The following POLK variants were observed in gnomAD, a reference collection of about 807,000 sequenced individuals.
POLK encodes the protein polymerase (DNA directed) kappa.
POLK carries 76 observed loss-of-function variants against 94.0 expected under a neutral mutation model. The ratio of observed to expected loss-of-function variants is 0.81; its 90% CI spans 0.67 to 0.98. The LOEUF (loss-of-function observed/expected upper bound fraction) is 0.98. Ranked by LOEUF, POLK falls within the 50% of genes least tolerant of loss-of-function variation. The pLI is 0.00. For synonymous variants in POLK, 349 were observed against 325.4 expected, an observed-to-expected ratio of 1.07 and a Z score of -0.78; for missense variants, 954 against 1,010.1, an observed-to-expected ratio of 0.94 and a Z score of 0.75.
chr5:75,532,333 T>G (rs774453090), intron 1 of POLK, among the ~76,000 whole-genome samples: 56 of 152,188 alleles, frequency 3.7e-4, no homozygotes, highest in Non-Finnish European at 7.4e-4. Flanking sequence ...CATGCAGTGT[T>G]TGGTTTTCTG....
intron 1 of POLK, among the ~76,000 whole-genome samples, chr5:75,546,400 G>A (rs1770019635): frequency 2.0e-5 from 3 of 152,044 alleles, no homozygotes; most frequent in Admixed American, 1.3e-4. Context: ...CTTGAGGGTG[G>A]CAGAAACGGA....
the POLK span, among the ~76,000 whole-genome samples, chr5:75,607,455 G>A: frequency 2.7e-5 from 4 of 147,646 alleles, no homozygotes; most frequent in East Asian, 2.0e-4. Context: ...GTGACAAAGC[G>A]AGACCTTGTC....
intron 3 of POLK, 88 bp from the exon 4 acceptor site, chr5:75,569,252 C>CTA: frequency 1.2e-6 from 1 of 858,526 alleles, no homozygotes; most frequent in South Asian, 1.7e-5. Context: ...GACTGATAGA[C>CTA]ACTTAATAAA....
chr5:75,525,871 G>A (rs1031675087), intron 1 of POLK, among the ~76,000 whole-genome samples: 1 of 152,172 alleles, frequency 6.6e-6, no homozygotes, highest in South Asian at 2.1e-4. Context: ...AAGAATGCGG[G>A]CTCCGGAGAC....
chr5:75,594,948 A>G (rs1772986341), intron 12 of POLK, among the ~76,000 whole-genome samples: 1 of 152,172 alleles, frequency 6.6e-6, no homozygotes, highest in Admixed American at 6.5e-5. Context: ...CAACTGAATA[A>G]AGTGTTAATT....
chr5:75,599,540 A>C (rs2112910629), exon 15 of POLK: 1 of 152,254 alleles, frequency 6.6e-6, no homozygotes, highest in East Asian at 1.9e-4. Context: ...GTTATTATAC[A>C]CTATGGCAAA....
chr5:75,576,758 CT>C (rs751779033), intron 5 of POLK, 21 bp from the exon 6 acceptor site: 125 of 1,409,642 alleles, frequency 8.9e-5, no homozygotes, highest in Middle Eastern at 7.6e-4. Context: ...AAAATTTAAA[CT>C]TTTTTTTGTT....
Position 75,554,123 on chromosome 5 carries a change from A to T in POLK, c.255+1532A>T, listed in dbSNP as rs1483283472. On this transcript the variant is annotated intron_variant, in intron 3 of 14. Transcript: ENST00000241436. Reference sequence around the variant, plus strand: ...GAAGTTGCACACATTACTTCAGCTGACATTCTTTGGCAAGAATTTAAGTTA... The same window carrying T: ...GAAGTTGCACACATTACTTCAGCTGTCATTCTTTGGCAAGAATTTAAGTTA... Among the ~76,000 whole-genome samples, 3 of 152,212 alleles carry T rather than the reference A, an allele frequency of 2.0e-5. No individual in the cohort carries two copies. In the East Asian group the frequency reaches 5.8e-4, roughly 29 times the overall value.
At chr5:75,580,579 A>G in intron 6 of POLK, 1 of 867,512 alleles carries the variant, frequency 1.2e-6, no homozygotes, top group Non-Finnish European at 1.4e-6. Context: ...GTATATTCAA[A>G]GAAGCATAAC....
chr5:75,597,979 A>C (rs1773181830), exon 15 of POLK: 1 of 1,471,750 alleles, frequency 6.8e-7, no homozygotes, highest in South Asian at 1.3e-5. Context: ...AAATAAAACC[A>C]AACAATCCCA....
chr5:75,572,414 C>T (rs1234280737), intron 4 of POLK, among the ~76,000 whole-genome samples: 1 of 151,986 alleles, frequency 6.6e-6, no homozygotes, highest in Non-Finnish European at 1.5e-5. Context: ...TGAAAAGTTT[C>T]CAAAATCCCA....
At chr5:75,597,979 A>G in exon 15 of POLK, 1 of 1,471,870 alleles carries the variant, frequency 6.8e-7, no homozygotes, top group Non-Finnish European at 9.2e-7. Context: ...AAATAAAACC[A>G]AACAATCCCA....
At chr5:75,547,196 A>T (rs1209364087) in intron 2 of POLK, 39 bp downstream of exon 2, 1 of 1,162,678 alleles carries the variant, frequency 8.6e-7, no homozygotes, top group Non-Finnish European at 1.2e-6. Context: ...TAATTTAATG[A>T]CCTTTTAACT....
intron 6 of POLK, 113 bp downstream of exon 6, chr5:75,577,046 T>C: frequency 1.9e-6 from 1 of 536,314 alleles, no homozygotes; most frequent in Non-Finnish European, 3.0e-6. Flanking sequence ...GGGATAGATA[T>C]GTACCTTTAT....
chr5:75,519,450 T>G (rs1768468368), intron 1 of POLK, among the ~76,000 whole-genome samples: 1 of 152,220 alleles, frequency 6.6e-6, no homozygotes, highest in Non-Finnish European at 1.5e-5. Flanking sequence ...TCTGTCTGTA[T>G]GATTTGTCCT....
chr5:75,526,563 GT>G (rs1170000413), intron 1 of POLK, among the ~76,000 whole-genome samples: 85 of 132,538 alleles, frequency 6.4e-4, no homozygotes, highest in African/African-American at 2.1e-3. Context: ...GATTTAATGG[GT>G]TTTTTTTTTG....
intron 3 of POLK, among the ~76,000 whole-genome samples, chr5:75,567,512 T>C (rs1251200530): frequency 3.3e-5 from 5 of 152,218 alleles, no homozygotes; most frequent in African/African-American, 1.2e-4. Flanking sequence ...TCAAGATTTT[T>C]CTACTAGTAC....
chr5:75,511,759 C>T (rs1768020921), exon 1 of POLK: 1 of 1,551,340 alleles, frequency 6.4e-7, no homozygotes, highest in East Asian at 2.4e-5. Context: ...CGAACCCTAC[C>T]TCCGGCTCTC....
At chr5:75,572,233 T>C (rs1426802034) in intron 4 of POLK, among the ~76,000 whole-genome samples, 1 of 152,328 alleles carries the variant, frequency 6.6e-6, no homozygotes, top group African/African-American at 2.4e-5. Flanking sequence ...AATATTCTCC[T>C]TTTTACTCTC....
Sources: allele counts gnomAD v4.1 joint callset (sites outside exome capture counted in the v4.1 genomes callset), GRCh38; gene constraint gnomAD v4.1.1; transcripts MANE v1.5; gene names NCBI Gene and HGNC (gene_info 2026-07-23, HGNC 2026-07-21).